DNAH17: variants seen among roughly 807,000 people sequenced by gnomAD.
The protein encoded by DNAH17 is dynein axonemal heavy chain 17, also known as axonemal beta dynein heavy chain 17.
In DNAH17, 376 loss-of-function variants were observed where a neutral mutation model predicts 485.6. That is an observed-to-expected ratio of 0.77 (90% CI 0.71 to 0.84). The LOEUF (loss-of-function observed/expected upper bound fraction) is 0.84, where lower values mean the gene tolerates loss of function less well. DNAH17 is among the 40% of genes least tolerant of loss of function. The pLI is 0.00. For missense variants in DNAH17, 6,370 were observed against 5,839.3 expected (o/e 1.09, Z -2.96); for synonymous variants, 3,031 against 2,405.9 (o/e 1.26, Z -7.60).
chr17:78,434,755 C>A (rs917122829), intron 74 of DNAH17, among the ~76,000 whole-genome samples: 1 of 152,108 alleles, frequency 6.6e-6, no homozygotes, highest in African/African-American at 2.4e-5. Flanking sequence ...GTGACTCCTA[C>A]GTCTCTGGAT....
chr17:78,437,637 C>T lies in DNAH17; in HGVS notation c.12033+4G>A. 6.2e-7 allele frequency: 1 copy of T among 1,602,816 alleles called. No homozygotes were observed. The highest frequency in any genetic ancestry group is 8.5e-7 in the Non-Finnish European group (1 of 1,174,284). On this transcript the variant is annotated splice_donor_region_variant and intron_variant, in intron 74 of 80. Transcript: ENST00000389840. ...GGAGGCAGCCCGAGCAGGCGTGGCCCTACCTGGGTGAACAGGTCCAGGGCC... is the reference window on the plus strand; with the variant it reads ...GGAGGCAGCCCGAGCAGGCGTGGCCTTACCTGGGTGAACAGGTCCAGGGCC...
chr17:78,535,445 C>T (rs142982521), intron 19 of DNAH17, among the ~76,000 whole-genome samples: 168 of 152,276 alleles, frequency 1.1e-3, no homozygotes, highest in African/African-American at 3.7e-3. Context: ...GCTGTTCCCT[C>T]GTGTCCTCAT....
In DNAH17 at chr17:78,484,746, C is replaced by T. The variant is rs868415483; in HGVS notation, c.7649+122G>A. The T allele has an allele frequency of 1.0e-5, 3 of 295,276 alleles. 1 individual carries two copies. The highest frequency in any genetic ancestry group is 1.4e-4 in the East Asian group (2 of 13,854). 18.3% of individuals were successfully genotyped at this position (295,276 alleles called of 1,614,324 possible). ...CCCTACCCACGTTGCAGCACCCCCC[C>T]CACCGCCCCACACCAGTCCTGCCCT... On this transcript the variant is annotated intron_variant, in intron 48 of 80. Coordinates refer to ENST00000389840, the MANE Select transcript of DNAH17 (RefSeq NM_173628.4).
At chr17:78,531,611 C>T (rs7224256) in intron 20 of DNAH17, among the ~76,000 whole-genome samples, 104,012 of 151,946 alleles carry the variant, frequency 0.68, 35,909 homozygotes, top group African/African-American at 0.74. Context: ...GTGCTGGTAT[C>T]ACAGGCGTGA....
chr17:78,574,760 C>T lies in DNAH17; in HGVS notation c.298G>A (p.Asp100Asn), dbSNP rs374721881. 23 of 1,613,382 alleles carry T rather than the reference C, an allele frequency of 1.4e-5. No individual in the cohort carries two copies. Among genetic ancestry groups the T allele is most frequent in the African/African-American group, 9.3e-5 (7 of 74,902 alleles). ...DNYRARLLYGDISPTPVDQLI... is the reference protein window; with the variant it reads ...DNYRARLLYGNISPTPVDQLI... ...TGGTCCACGGGTGTGGGGCTGATGT[C>T]GCCGTAAAGGAGCCGGGCCCTGTAG... The change falls in exon 2 of 81, where the codon GAC (aspartate) becomes AAC (asparagine). Residue 100 changes from aspartate to asparagine, a missense_variant. By Grantham distance (23) the Asp-to-Asn change is conservative (BLOSUM62 1). Coordinates refer to ENST00000389840, the MANE Select transcript of DNAH17 (RefSeq NM_173628.4).
chr17:78,530,462 G>A lies in DNAH17; in HGVS notation c.3165C>T (p.Thr1055=), dbSNP rs1219253184. 6 of 1,613,258 alleles carry A rather than the reference G, an allele frequency of 3.7e-6. No individual in the cohort carries two copies. The Admixed American group carries it at 6.7e-5, about 18-fold the overall frequency. ...LYEEVSKCEN[T]KVFHGWLQCD... ...ACTGCAGCCAGCCGTGGAACACCTT[G>A]GTGTTCTCGCACTTGGACACCTCCT... Residue 1055 remains threonine (T), a synonymous_variant, in exon 21 of 81, where the codon ACC becomes ACT. Coordinates refer to ENST00000389840, the MANE Select transcript of DNAH17 (RefSeq NM_173628.4).
intron 25 of DNAH17, among the ~76,000 whole-genome samples, chr17:78,519,640 G>A (rs2090884499): frequency 6.6e-6 from 1 of 152,174 alleles, no homozygotes; most frequent in Non-Finnish European, 1.5e-5. Flanking sequence ...AGGATAGTAT[G>A]GAACTAGTAT....
At chr17:78,476,109 C>A (rs1487954378) in intron 52 of DNAH17, among the ~76,000 whole-genome samples, 2 of 152,124 alleles carry the variant, frequency 1.3e-5, no homozygotes, top group Non-Finnish European at 2.9e-5. Context: ...ACCAGCGAGG[C>A]ACACAGAGCC....
intron 73 of DNAH17, 137 bp from the exon 74 acceptor site, chr17:78,438,005 GC>G: frequency 1.6e-6 from 1 of 637,096 alleles, no homozygotes; most frequent in Non-Finnish European, 2.7e-6. Context: ...TGCTGGCACT[GC>G]CCCACCCCTC....
At chr17:78,476,503 T>C in intron 52 of DNAH17, 69 bp downstream of exon 52, 2 of 1,516,912 alleles carry the variant, frequency 1.3e-6, no homozygotes. Context: ...CAGTTCTCAT[T>C]GGCCGCCGAC....
At chr17:78,513,166 G>A (rs139973775) in intron 26 of DNAH17, among the ~76,000 whole-genome samples, 1 of 152,110 alleles carries the variant, frequency 6.6e-6, no homozygotes, top group East Asian at 1.9e-4. Flanking sequence ...TGACGGGAAG[G>A]AGGCTGGGGG....
In DNAH17 at chr17:78,500,351, C is replaced by T; in HGVS notation, c.5594G>A (p.Gly1865Asp). 6.2e-7 allele frequency: 1 copy of T among 1,612,722 alleles called. No individual in the cohort carries two copies. Among genetic ancestry groups the T allele is most frequent in the Non-Finnish European group, 8.5e-7 (1 of 1,179,432 alleles). The change falls in exon 36 of 81, where the codon GGC becomes GAC. Residue 1865 changes from glycine to aspartate, a missense_variant. Coordinates refer to ENST00000389840, the MANE Select transcript of DNAH17 (RefSeq NM_173628.4). Reference protein sequence around the residue: ...ETTKDLGRALGTMVYVFNCSE... With the variant: ...ETTKDLGRALDTMVYVFNCSE... ...GCAGTTGAAGACGTAGACCATGGTGCCCAGGGCTCTGCCCAGGTCCTTGGT... is the reference window on the plus strand; with the variant it reads ...GCAGTTGAAGACGTAGACCATGGTGTCCAGGGCTCTGCCCAGGTCCTTGGT...
rs764580167 is a variant in DNAH17, at chr17:78,485,671, C to T, written c.7362G>A (p.Val2454=). The T allele has an allele frequency of 6.2e-7, 1 of 1,614,010 alleles. No homozygotes were observed. The highest frequency in any genetic ancestry group is 1.1e-5 in the South Asian group (1 of 91,070). Residue 2454 remains valine, a synonymous_variant, in exon 47 of 81, where the codon GTG becomes GTA. Transcript: ENST00000389840. The part of the protein sequence containing the change: ...LMEKSWPVML[V]GNAGTGKSVL... ...CCGACTTGCCCGTCCCCGCGTTCCC[C>T]ACCAGCATCACCGGCCAGGACTTCT...
intron 79 of DNAH17, among the ~76,000 whole-genome samples, chr17:78,425,920 C>T (rs2086435981): frequency 6.6e-6 from 1 of 152,104 alleles, no homozygotes; most frequent in Admixed American, 6.5e-5. Flanking sequence ...TGCAGGCCAC[C>T]ATGCCCAGCT....
chr17:78,469,998 T>TG (rs2088670779), intron 54 of DNAH17, among the ~76,000 whole-genome samples: 1 of 150,924 alleles, frequency 6.6e-6, no homozygotes. Context: ...ACAGTGGTGA[T>TG]GGTCACACAA....
At chr17:78,497,571 C>T (rs62073549) in intron 37 of DNAH17, among the ~76,000 whole-genome samples, 16,964 of 152,328 alleles carry the variant, frequency 0.11, 1,115 homozygotes, top group Middle Eastern at 0.18. Context: ...AGCAGCTCTG[C>T]TCCTGTGCTG....
intron 54 of DNAH17, among the ~76,000 whole-genome samples, chr17:78,473,541 C>T (rs2088867744): frequency 1.2e-5 from 1 of 81,624 alleles, no homozygotes; most frequent in African/African-American, 8.4e-5. Flanking sequence ...GAGACTCTGT[C>T]TCAAAAAAAA....
chr17:78,496,539 A>AC (rs1477631005), intron 37 of DNAH17: 1 of 149,752 alleles, frequency 6.7e-6, no homozygotes, highest in Non-Finnish European at 1.5e-5. Flanking sequence ...TTATAGCCAC[A>AC]CCCCTTCCCT....
intron 14 of DNAH17, 49 bp downstream of exon 14, chr17:78,558,059 C>T: frequency 6.4e-7 from 1 of 1,553,878 alleles, no homozygotes; most frequent in African/African-American, 1.4e-5. Context: ...GACAAAAAAC[C>T]AAAACAATAC....
Sources: gnomAD v4.1 joint callset for allele counts (sites outside exome capture counted in the v4.1 genomes callset) on GRCh38, gnomAD v4.1.1 for gene constraint, MANE v1.5 for transcripts, NCBI Gene and HGNC (gene_info 2026-07-23, HGNC 2026-07-21) for gene names.